The following GRM7 variants were observed in gnomAD, a reference collection of about 807,000 sequenced individuals.
GRM7 encodes the protein metabotropic glutamate receptor 7.
In GRM7, 35 loss-of-function variants were observed where a neutral mutation model predicts 84.5. That is an observed-to-expected ratio of 0.41 (90% CI 0.32 to 0.55). The LOEUF (loss-of-function observed/expected upper bound fraction) is 0.55. Ranked by LOEUF, GRM7 falls within the 20% of genes least tolerant of loss-of-function variation. The pLI is 0.19. For synonymous variants in GRM7, 487 were observed against 455.1 expected (o/e 1.07, Z -0.89); for missense variants, 1,003 against 1,194.6 (o/e 0.84, Z 2.36).
intron 8 of GRM7, among the ~76,000 whole-genome samples, chr3:7,653,173 C>G (rs1390094526): frequency 7.7e-6 from 1 of 129,782 alleles, no homozygotes; most frequent in African/African-American, 3.1e-5. Flanking sequence ...TTGTAACATA[C>G]TATATCCTTT....
intron 2 of GRM7, among the ~76,000 whole-genome samples, chr3:7,176,418 A>C (rs1287011685): frequency 6.6e-6 from 1 of 151,930 alleles, no homozygotes; most frequent in Non-Finnish European, 1.5e-5. Flanking sequence ...CCCTGTCTTG[A>C]AAAAAACAAA....
At chr3:7,536,183 A>G (rs568568131) in intron 7 of GRM7, among the ~76,000 whole-genome samples, 3 of 152,274 alleles carry the variant, frequency 2.0e-5, no homozygotes, top group Non-Finnish European at 4.4e-5. Context: ...CTTTTTAGCT[A>G]TCTTAATTTG....
chr3:7,456,156 T>C (rs1159589978), intron 6 of GRM7, among the ~76,000 whole-genome samples: 2 of 152,154 alleles, frequency 1.3e-5, no homozygotes, highest in Non-Finnish European at 2.9e-5. Context: ...GGTCAGTTTC[T>C]GGATTTTTTA....
At chr3:7,666,490 G>A (rs977633753) in intron 8 of GRM7, among the ~76,000 whole-genome samples, 2 of 152,156 alleles carry the variant, frequency 1.3e-5, no homozygotes, top group African/African-American at 4.8e-5. Flanking sequence ...TGGTTGCTCC[G>A]TGCAGAATTA....
chr3:6,878,243 T>G (rs1247819197), intron 1 of GRM7, among the ~76,000 whole-genome samples: 1 of 152,214 alleles, frequency 6.6e-6, no homozygotes, highest in Non-Finnish European at 1.5e-5. Context: ...GTCCTTCTGA[T>G]TGAAGATGGC....
intron 2 of GRM7, among the ~76,000 whole-genome samples, chr3:7,212,437 A>G (rs1696462375): frequency 6.6e-6 from 1 of 152,224 alleles, no homozygotes. Context: ...AAACAAAACA[A>G]AATAGCAAGA....
At chr3:7,645,949 G>T (rs1034077301) in intron 8 of GRM7, among the ~76,000 whole-genome samples, 4 of 152,178 alleles carry the variant, frequency 2.6e-5, no homozygotes, top group African/African-American at 9.7e-5. Flanking sequence ...CTGTTTGGTT[G>T]TTTTAATCAG....
intron 4 of GRM7, among the ~76,000 whole-genome samples, chr3:7,331,156 A>G (rs1701194178): frequency 6.6e-6 from 1 of 152,206 alleles, no homozygotes; most frequent in Non-Finnish European, 1.5e-5. Flanking sequence ...TTCCCTCTAT[A>G]CTAAAGTTTT....
At chr3:7,447,275 G>GA (rs368991183) in intron 5 of GRM7, among the ~76,000 whole-genome samples, 10 of 151,834 alleles carry the variant, frequency 6.6e-5, no homozygotes, top group South Asian at 4.2e-4. Flanking sequence ...AGAATTAATT[G>GA]AAAAAAAAGC....
intron 1 of GRM7, among the ~76,000 whole-genome samples, chr3:7,012,182 G>A (rs12634429): frequency 0.052 from 7,917 of 152,154 alleles, 255 homozygotes; most frequent in Middle Eastern, 0.13. Context: ...CTGTACATGA[G>A]TGACGCCAGC....
intron 3 of GRM7, among the ~76,000 whole-genome samples, chr3:7,303,357 C>T (rs1700076022): frequency 6.6e-6 from 1 of 152,150 alleles, no homozygotes; most frequent in African/African-American, 2.4e-5. Context: ...TGGTTCTGTT[C>T]TCTTTTGGCA....
chr3:7,306,569 G>T lies in GRM7; in HGVS notation c.950G>T (p.Gly317Val). 1 of 1,613,816 alleles carries T rather than the reference G, an allele frequency of 6.2e-7. No individual in the cohort carries two copies. ...HFLWVGSDSW[G>V]SKINPLHQHE... ...CTTTGGGTGGGATCAGACAGCTGGG[G>T]ATCCAAAATAAACCCACTGCACCAG... The change falls in exon 4 of 10, where the codon GGA becomes GTA. Residue 317 changes from glycine (G) to valine (V), a missense_variant. By Grantham distance (109) the Gly-to-Val change is moderately radical. Coordinates refer to ENST00000357716, the MANE Select transcript of GRM7 (RefSeq NM_000844.4).
intron 3 of GRM7, among the ~76,000 whole-genome samples, chr3:7,305,073 C>T (rs538191626): frequency 1.2e-4 from 19 of 152,276 alleles, no homozygotes; most frequent in African/African-American, 4.1e-4. Context: ...CAGATTTTTA[C>T]AGAAAAATTA....
chr3:7,710,059 A>AT (rs1299335498), intron 9 of GRM7, among the ~76,000 whole-genome samples: 2 of 152,146 alleles, frequency 1.3e-5, no homozygotes, highest in Non-Finnish European at 2.9e-5. Context: ...AATATAGTAC[A>AT]TAAGTACTAT....
At chr3:7,655,022 G>A (rs909194272) in intron 8 of GRM7, among the ~76,000 whole-genome samples, 13 of 152,112 alleles carry the variant, frequency 8.5e-5, no homozygotes, top group Non-Finnish European at 4.4e-5. Flanking sequence ...ATTGTCCGTG[G>A]TTCTAGTTCT....
intron 8 of GRM7, among the ~76,000 whole-genome samples, chr3:7,647,560 G>A (rs2125110836): frequency 6.6e-6 from 1 of 152,290 alleles, no homozygotes; most frequent in South Asian, 2.1e-4. Context: ...AAAGCCAATG[G>A]GGAGTTGGAA....
At chr3:7,498,037 G>A (rs1410444779) in intron 7 of GRM7, among the ~76,000 whole-genome samples, 2 of 152,130 alleles carry the variant, frequency 1.3e-5, no homozygotes, top group African/African-American at 2.4e-5. Context: ...AATTCCATTA[G>A]TCCCAGATTT....
chr3:7,481,593 C>T (rs183210765), intron 7 of GRM7, among the ~76,000 whole-genome samples: 7 of 152,254 alleles, frequency 4.6e-5, no homozygotes, highest in Admixed American at 1.3e-4. Context: ...GAAATAAGAC[C>T]TAGCTGGCAG....
At chr3:7,139,028 A>G (rs1468470412) in intron 1 of GRM7, among the ~76,000 whole-genome samples, 1 of 147,944 alleles carries the variant, frequency 6.8e-6, no homozygotes, top group Non-Finnish European at 1.5e-5. Context: ...ATATTACTAT[A>G]TATAGTATAT....
Sources: gnomAD v4.1 joint callset for allele counts (sites outside exome capture counted in the v4.1 genomes callset) on GRCh38, gnomAD v4.1.1 for gene constraint, MANE v1.5 for transcripts, NCBI Gene and HGNC (gene_info 2026-07-23, HGNC 2026-07-21) for gene names.